NUDT4: variants seen among roughly 807,000 people sequenced by gnomAD.
The protein encoded by NUDT4 is diphosphoinositol polyphosphate phosphohydrolase 2.
Under a neutral mutation model 23.1 loss-of-function variants are expected in NUDT4, and 5 were observed. The ratio of observed to expected loss-of-function variants is 0.22; its 90% CI spans 0.11 to 0.46. The LOEUF is 0.46. NUDT4 is among the 20% of genes least tolerant of loss of function. NUDT4 has a pLI of 0.99. For missense variants in NUDT4, 96 were observed against 211.6 expected, an observed-to-expected ratio of 0.45 and a Z score of 3.39; for synonymous variants, 50 against 79.0, an observed-to-expected ratio of 0.63 and a Z score of 1.95.
At chr12:93,378,691 C>G (rs1257087831) in intron 1 of NUDT4, 1 of 1,158,182 alleles carries the variant, frequency 8.6e-7, no homozygotes, top group Admixed American at 4.6e-5. Flanking sequence ...GGTCCCGGGC[C>G]GCGTAAGTCT....
rs1025912106 is a variant in NUDT4 at position 93,405,623 on chromosome 12, T to C, written c.*6244T>C. 2 of 152,232 alleles carry C rather than the reference T, an allele frequency of 1.3e-5. No individual in the cohort carries two copies. Among genetic ancestry groups the C allele is most frequent in the African/African-American group, 4.8e-5 (2 of 41,454 alleles). 9.4% of individuals were successfully genotyped at this position (152,232 alleles called of 1,614,324 possible). On this transcript the variant is annotated 3_prime_UTR_variant, in exon 5 of 5. Coordinates refer to ENST00000415493, the MANE Select transcript of NUDT4 (RefSeq NM_019094.6). ...CTTGGAATATACCTGACTTCCACGA[T>C]AAAATGGAGATGAGTGCAGGGGTGA...
In NUDT4 at chr12:93,406,560, T is replaced by G. The variant is rs1158931780; in HGVS notation, c.*7181T>G. Reference sequence around the variant, plus strand: ...AAGGTTCTATATAGTTGGCCCTCCATATCCATGGGTTCCACTTCCGTGGAT... The same window carrying G: ...AAGGTTCTATATAGTTGGCCCTCCAGATCCATGGGTTCCACTTCCGTGGAT... On this transcript the variant is annotated 3_prime_UTR_variant, in exon 5 of 5. Transcript: ENST00000415493. 2 of 152,280 alleles carry G rather than the reference T, an allele frequency of 1.3e-5. No homozygotes were observed. The highest frequency in any genetic ancestry group is 2.9e-5 in the Non-Finnish European group (2 of 68,096). The allele number at this position is 152,280 out of a possible 1,614,324, so 9.4% of individuals were successfully genotyped here. A position where few individuals can be genotyped will look rare whatever the true frequency, so the allele number is the denominator to read the frequency against.
In NUDT4 at chr12:93,406,958, C is replaced by CA. The variant is rs1463652449; in HGVS notation, c.*7585dup. On this transcript the variant is annotated 3_prime_UTR_variant, in exon 5 of 5. Transcript: ENST00000415493. ...GCGAAGTAGACTACAACAATCAAGT[C>CA]AAAAAACATAAAGCTCCTATCAACA... 2 of 152,156 alleles carry CA rather than the reference C, an allele frequency of 1.3e-5. No homozygotes were observed. Among genetic ancestry groups the CA allele is most frequent in the African/African-American group, 2.4e-5 (1 of 41,442 alleles). 9.4% of individuals were successfully genotyped at this position (152,156 alleles called of 1,614,324 possible). A position where few individuals can be genotyped will look rare whatever the true frequency, so the allele number is the denominator to read the frequency against.
chr12:93,394,215 G>C (rs1397592794), intron 1 of NUDT4, among the ~76,000 whole-genome samples: 1 of 152,168 alleles, frequency 6.6e-6, no homozygotes, highest in Non-Finnish European at 1.5e-5. Context: ...TGTTAGCCAG[G>C]ATGATCTCGA....
intron 3 of NUDT4, 130 bp from the exon 4 acceptor site, chr12:93,398,641 A>G (rs924664794): frequency 6.4e-6 from 4 of 623,728 alleles, no homozygotes; most frequent in Non-Finnish European, 1.1e-5. Flanking sequence ...GTACAACTGA[A>G]TATACTTGCC....
intron 1 of NUDT4, chr12:93,378,672 C>A: frequency 2.6e-6 from 3 of 1,174,826 alleles, no homozygotes; most frequent in Non-Finnish European, 3.2e-6. Context: ...GGCGCCTGGT[C>A]CCCGGGAAGG....
intron 3 of NUDT4, among the ~76,000 whole-genome samples, chr12:93,396,877 A>G (rs1876973592): frequency 6.6e-6 from 1 of 152,114 alleles, no homozygotes; most frequent in Non-Finnish European, 1.5e-5. Context: ...TCAAAAAACA[A>G]AGAGAAAAGT....
rs1877645677 is a variant in NUDT4, at chr12:93,403,911, C to CA, written c.*4535dup. 6.6e-6 allele frequency: 1 copy of CA among 152,198 alleles called. No individual in the cohort carries two copies. The allele number at this position is 152,198 out of a possible 1,614,324, so 9.4% of individuals were successfully genotyped here. Reference sequence around the variant, plus strand: ...ACATTATAGCAAAGACCTAAACACTCAAAGGTTCAACGTCTTCTAGCCAGG... The same window carrying CA: ...ACATTATAGCAAAGACCTAAACACTCAAAAGGTTCAACGTCTTCTAGCCAGG... On this transcript the variant is annotated 3_prime_UTR_variant, in exon 5 of 5. Coordinates refer to ENST00000415493, the MANE Select transcript of NUDT4 (RefSeq NM_019094.6).
At chr12:93,388,877 A>G (rs1876288868) in intron 1 of NUDT4, among the ~76,000 whole-genome samples, 1 of 152,230 alleles carries the variant, frequency 6.6e-6, no homozygotes, top group Non-Finnish European at 1.5e-5. Flanking sequence ...AAATTTAGCC[A>G]TATGATGCTA....
At chr12:93,396,743 T>G (rs1876961933) in intron 3 of NUDT4, among the ~76,000 whole-genome samples, 1 of 151,864 alleles carries the variant, frequency 6.6e-6, no homozygotes. Context: ...TGAAACCCTG[T>G]CTCTACTAAA....
rs537682528 is a variant in NUDT4 at position 93,404,093 on chromosome 12, T to A, written c.*4714T>A. 1.3e-5 allele frequency: 2 copies of A among 152,326 alleles called. No homozygotes were observed. The highest frequency in any genetic ancestry group is 4.1e-4 in the South Asian group (2 of 4,824). 9.4% of individuals were successfully genotyped at this position (152,326 alleles called of 1,614,324 possible). ...ATCAGTATCAGACAATGGAAGTAAATTTTCCTGCTTTTCTCAACTTTTCCT... is the reference window on the plus strand; with the variant it reads ...ATCAGTATCAGACAATGGAAGTAAAATTTCCTGCTTTTCTCAACTTTTCCT... On this transcript the variant is annotated 3_prime_UTR_variant, in exon 5 of 5. Coordinates refer to ENST00000415493, the MANE Select transcript of NUDT4 (RefSeq NM_019094.6).
intron 1 of NUDT4, among the ~76,000 whole-genome samples, chr12:93,393,227 G>A (rs1876686746): frequency 7.0e-6 from 1 of 142,838 alleles, no homozygotes; most frequent in African/African-American, 2.6e-5. Context: ...TCAGTCTCCC[G>A]ATTAGCTGGG....
intron 1 of NUDT4, among the ~76,000 whole-genome samples, chr12:93,388,690 A>T (rs1876276645): frequency 6.6e-6 from 1 of 152,212 alleles, no homozygotes; most frequent in Admixed American, 6.5e-5. Flanking sequence ...AGCATTTTAA[A>T]GTGGTAAGGT....
intron 1 of NUDT4, among the ~76,000 whole-genome samples, chr12:93,379,897 A>G (rs1055563548): frequency 1.3e-5 from 2 of 152,224 alleles, no homozygotes; most frequent in African/African-American, 4.8e-5. Context: ...TAGATCAAGG[A>G]TCTTGTCTGG....
Position 93,399,207 on chromosome 12 carries a change from A to G in NUDT4, c.371A>G (p.Asp124Gly). 2 of 1,602,946 alleles carry G rather than the reference A, an allele frequency of 1.2e-6. No homozygotes were observed. Among genetic ancestry groups the G allele is most frequent in the Non-Finnish European group, 1.7e-6 (2 of 1,170,010 alleles). ...GRKREWFKVE[D>G]AIKVLQCHKP... is the part of the protein sequence containing the mutation. The stretch of plus-strand genomic sequence containing the variant: ...AAGAGAGAGTGGTTCAAAGTAGAAG[A>G]TGCTATCAAAGTTCTCCAGTGTCAT... The change falls in exon 5 of 5, where the codon GAT becomes GGT. Residue 124 changes from aspartate (D) to glycine (G), a missense_variant. Coordinates refer to ENST00000415493, the MANE Select transcript of NUDT4 (RefSeq NM_019094.6).
intron 1 of NUDT4, 58 bp downstream of exon 1, chr12:93,378,479 G>T: frequency 1.4e-6 from 2 of 1,440,372 alleles, no homozygotes; most frequent in Non-Finnish European, 1.8e-6. Flanking sequence ...GGGCCCGGGT[G>T]CTTCCCCTCG....
chr12:93,398,009 A>G (rs963921237), intron 3 of NUDT4, among the ~76,000 whole-genome samples: 1 of 152,160 alleles, frequency 6.6e-6, no homozygotes, highest in Admixed American at 6.5e-5. Flanking sequence ...TATTATTTTA[A>G]TAAGATTGCA....
intron 1 of NUDT4, among the ~76,000 whole-genome samples, chr12:93,385,954 T>C (rs1175339804): frequency 7.3e-6 from 1 of 137,396 alleles, no homozygotes; most frequent in Non-Finnish European, 1.6e-5. Context: ...TATATATATA[T>C]ATATATATAT....
At chr12:93,378,841 T>A (rs1875415025) in intron 1 of NUDT4, 1 of 961,256 alleles carries the variant, frequency 1.0e-6, no homozygotes. Flanking sequence ...TTTCCTTCCA[T>A]GTTACAGCCG....
Sources: gnomAD v4.1 joint callset for allele counts (sites outside exome capture counted in the v4.1 genomes callset) on GRCh38, gnomAD v4.1.1 for gene constraint, MANE v1.5 for transcripts, NCBI Gene and HGNC (gene_info 2026-07-23, HGNC 2026-07-21) for gene names.